Variants in ENDOD1 observed in about 807,000 individuals in gnomAD.
ENDOD1 encodes the protein endonuclease domain-containing 1 protein.
A neutral mutation model predicts 6.5 loss-of-function variants in ENDOD1; 9 were observed. The ratio of observed to expected loss-of-function variants is 1.39; its 90% CI spans 0.84 to 2.43. The LOEUF is 2.43. Ranked by LOEUF, ENDOD1 falls within the 30% of genes most tolerant of loss-of-function variation. ENDOD1 has a pLI of 0.00. For missense variants in ENDOD1, 648 were observed against 635.5 expected (o/e 1.02, Z -0.21); for synonymous variants, 255 against 255.2 (o/e 1.00, Z 0.01).
intron 1 of ENDOD1, among the ~76,000 whole-genome samples, chr11:95,108,535 A>ACACACAC (rs1325896470): frequency 2.5e-3 from 372 of 148,334 alleles, no homozygotes; most frequent in Non-Finnish European, 3.0e-3. Flanking sequence ...ACAGACACCC[A>ACACACAC]AAAAAAGAAA....
intron 1 of ENDOD1, among the ~76,000 whole-genome samples, chr11:95,125,089 C>A (rs367933499): frequency 6.6e-6 from 1 of 152,176 alleles, no homozygotes; most frequent in Non-Finnish European, 1.5e-5. Flanking sequence ...TTTTTTTAGG[C>A]CTTCCATCAA....
Position 95,090,175 on chromosome 11 carries a change from C to G in ENDOD1, c.248C>G (p.Ala83Gly), listed in dbSNP as rs1858914190. 7.0e-7 allele frequency: 1 copy of G among 1,434,302 alleles called. No homozygotes were observed. The highest frequency in any genetic ancestry group is 9.3e-7 in the Non-Finnish European group (1 of 1,077,926). 88.8% of individuals were successfully genotyped at this position (1,434,302 alleles called of 1,614,324 possible). Reference sequence around the variant, plus strand: ...ATCCCCGTGTACTCCGCGTTCCGCGCCCCGCGCCCTGCGCCCGGCGGCGCC... The same window carrying G: ...ATCCCCGTGTACTCCGCGTTCCGCGGCCCGCGCCCTGCGCCCGGCGGCGCC... ...DRIPVYSAFR[A>G]PRPAPGGAEQ... The change falls in exon 1 of 2, where the codon GCC (alanine) becomes GGC (glycine). Residue 83 changes from alanine to glycine, a missense_variant. Coordinates refer to ENST00000278505, the MANE Select transcript of ENDOD1 (RefSeq NM_015036.3).
At position 95,129,803 on chromosome 11, in the gene ENDOD1, T is replaced by C; in HGVS notation, c.*224T>C. 1.9e-6 allele frequency: 1 copy of C among 529,826 alleles called. No individual in the cohort carries two copies. Among genetic ancestry groups the C allele is most frequent in the East Asian group, 3.2e-5 (1 of 30,850 alleles). 32.8% of individuals were successfully genotyped at this position (529,826 alleles called of 1,614,324 possible). ...TCTGCTGTTTACCTCCAGTTATATG[T>C]GCAAACTCCCAAGCCACTAATAACT... On this transcript the variant is annotated 3_prime_UTR_variant, in exon 2 of 2. Transcript: ENST00000278505.
At chr11:95,108,534 C>CACACACACACAAAA (rs1176686943) in intron 1 of ENDOD1, among the ~76,000 whole-genome samples, 3 of 141,756 alleles carry the variant, frequency 2.1e-5, no homozygotes, top group African/African-American at 7.6e-5. Context: ...CACAGACACC[C>CACACACACACAAAA]AAAAAAAGAA....
At chr11:95,107,992 C>T (rs1859107793) in intron 1 of ENDOD1, among the ~76,000 whole-genome samples, 1 of 152,142 alleles carries the variant, frequency 6.6e-6, no homozygotes, top group Non-Finnish European at 1.5e-5. Context: ...TCTTAGGCTC[C>T]CTGGAGGAGC....
chr11:95,115,789 A>G (rs377075586), intron 1 of ENDOD1, among the ~76,000 whole-genome samples: 7 of 152,246 alleles, frequency 4.6e-5, no homozygotes, highest in African/African-American at 1.7e-4. Context: ...GATGTGTCAC[A>G]TTGATTGATT....
chr11:95,091,965 T>A (rs1858935546), intron 1 of ENDOD1, among the ~76,000 whole-genome samples: 1 of 152,166 alleles, frequency 6.6e-6, no homozygotes, highest in Non-Finnish European at 1.5e-5. Flanking sequence ...CTCAGGTGTG[T>A]GACACATGAG....
chr11:95,127,906 C>T (rs929109098), intron 1 of ENDOD1, among the ~76,000 whole-genome samples: 1 of 152,066 alleles, frequency 6.6e-6, no homozygotes, highest in Non-Finnish European at 1.5e-5. Flanking sequence ...ATTACAGGCA[C>T]CCATCACCAC....
chr11:95,119,286 G>T (rs1389371129), intron 1 of ENDOD1, among the ~76,000 whole-genome samples: 5 of 152,146 alleles, frequency 3.3e-5, no homozygotes, highest in African/African-American at 1.2e-4. Context: ...TCTCAGTCTG[G>T]GCTTGCTTCT....
intron 1 of ENDOD1, 70 bp downstream of exon 1, chr11:95,090,297 C>G: frequency 7.4e-7 from 1 of 1,346,268 alleles, no homozygotes. Context: ...CCCCCAGTTG[C>G]AGCTACCGCG....
At chr11:95,103,770 T>C (rs1242903333) in intron 1 of ENDOD1, among the ~76,000 whole-genome samples, 2 of 152,216 alleles carry the variant, frequency 1.3e-5, no homozygotes, top group African/African-American at 4.8e-5. Flanking sequence ...AAATTGTCCC[T>C]CTCCTACAGA....
At chr11:95,123,502 A>G (rs916294041) in intron 1 of ENDOD1, among the ~76,000 whole-genome samples, 3 of 151,662 alleles carry the variant, frequency 2.0e-5, no homozygotes, top group East Asian at 3.9e-4. Context: ...GCTTCAGCCT[A>G]TATAGTTCTT....
chr11:95,108,908 T>C (rs1555111674), intron 1 of ENDOD1, among the ~76,000 whole-genome samples: 1 of 152,180 alleles, frequency 6.6e-6, no homozygotes, highest in African/African-American at 2.4e-5. Flanking sequence ...TAAGATTATC[T>C]GATGTTCTCA....
chr11:95,107,695 C>T (rs1484795440), intron 1 of ENDOD1, among the ~76,000 whole-genome samples: 1 of 152,070 alleles, frequency 6.6e-6, no homozygotes, highest in Non-Finnish European at 1.5e-5. Context: ...GAGTCTTGCT[C>T]TGTCACCCAG....
chr11:95,115,056 T>A (rs2134170366), intron 1 of ENDOD1, among the ~76,000 whole-genome samples: 1 of 152,348 alleles, frequency 6.6e-6, no homozygotes, highest in East Asian at 1.9e-4. Flanking sequence ...TTGATAGGGA[T>A]TGCATTGAAT....
intron 1 of ENDOD1, among the ~76,000 whole-genome samples, chr11:95,118,113 G>C (rs1555112643): frequency 1.3e-5 from 2 of 151,922 alleles, no homozygotes; most frequent in African/African-American, 4.8e-5. Flanking sequence ...ATATCTTATT[G>C]TACTGTCTGT....
intron 1 of ENDOD1, among the ~76,000 whole-genome samples, chr11:95,126,356 T>G (rs1859312299): frequency 1.3e-5 from 2 of 152,196 alleles, no homozygotes; most frequent in South Asian, 4.1e-4. Context: ...AGCACCGATT[T>G]TAGGGAATCA....
rs1270497471 is a variant in ENDOD1 at position 95,128,514 on chromosome 11, A to C, written c.438A>C (p.Pro146=). 6.2e-7 allele frequency: 1 copy of C among 1,614,226 alleles called. No homozygotes were observed. Among genetic ancestry groups the C allele is most frequent in the Admixed American group, 1.7e-5 (1 of 60,026 alleles). ...ATTACCAAAGAGGACAGCTTTACCC[A>C]TTCTCCCTTAGCAGTGATGTCCAGG... ...DSDYQRGQLY[P]FSLSSDVQVA... is the part of the protein sequence containing the mutation. Residue 146 remains proline, a synonymous_variant, in exon 2 of 2, where the codon CCA becomes CCC. Coordinates refer to ENST00000278505, the MANE Select transcript of ENDOD1 (RefSeq NM_015036.3).
chr11:95,120,733 G>T (rs1252015716), intron 1 of ENDOD1, among the ~76,000 whole-genome samples: 1 of 152,034 alleles, frequency 6.6e-6, no homozygotes, highest in Non-Finnish European at 1.5e-5. Context: ...TCAGCACTAG[G>T]ACTCACCTAG....
Sources: allele counts gnomAD v4.1 joint callset (sites outside exome capture counted in the v4.1 genomes callset), GRCh38; gene constraint gnomAD v4.1.1; transcripts MANE v1.5; gene names NCBI Gene and HGNC (gene_info 2026-07-23, HGNC 2026-07-21).